Variants in PITPNC1 observed in about 807,000 individuals in gnomAD.
The protein encoded by PITPNC1 is phosphatidylinositol transfer protein cytoplasmic 1.
A neutral mutation model predicts 44.7 loss-of-function variants in PITPNC1; 18 were observed. The observed-to-expected ratio is 0.40, with a 90% CI of 0.28 to 0.60. The LOEUF is 0.60. Ranked by LOEUF, PITPNC1 falls within the 20% of genes least tolerant of loss-of-function variation. The pLI, the probability that PITPNC1 is intolerant of heterozygous loss-of-function variation, is 0.39. For missense variants in PITPNC1, 290 were observed against 418.4 expected (o/e 0.69, Z 2.68); for synonymous variants, 141 against 149.6 (o/e 0.94, Z 0.42).
At chr17:67,634,865 C>A (rs998039719) in intron 6 of PITPNC1, among the ~76,000 whole-genome samples, 3 of 152,144 alleles carry the variant, frequency 2.0e-5, no homozygotes, top group Non-Finnish European at 4.4e-5. Flanking sequence ...CCAGCCTGGC[C>A]AACAGAATGA....
chr17:67,608,790 C>T (rs757758062), intron 5 of PITPNC1, among the ~76,000 whole-genome samples: 3 of 150,398 alleles, frequency 2.0e-5, no homozygotes, highest in South Asian at 2.1e-4. Context: ...TGAACCATCA[C>T]GCCCGGCCTG....
chr17:67,447,416 C>T (rs2039114168), intron 1 of PITPNC1, among the ~76,000 whole-genome samples: 1 of 152,002 alleles, frequency 6.6e-6, no homozygotes, highest in African/African-American at 2.4e-5. Context: ...CCTCAATAAA[C>T]CCTGTCTCCC....
chr17:67,668,733 G>C (rs1015234660), intron 6 of PITPNC1, among the ~76,000 whole-genome samples: 6 of 152,036 alleles, frequency 3.9e-5, no homozygotes, highest in Non-Finnish European at 7.4e-5. Context: ...GTGGTGGCGG[G>C]CACCTGTAGT....
intron 1 of PITPNC1, among the ~76,000 whole-genome samples, chr17:67,416,091 G>C (rs548589554): frequency 4.6e-5 from 7 of 152,026 alleles, no homozygotes; most frequent in African/African-American, 1.7e-4. Context: ...CTAATGACTG[G>C]AGTCTTACGG....
intron 4 of PITPNC1, among the ~76,000 whole-genome samples, chr17:67,566,264 C>T (rs527288006): frequency 5.9e-5 from 9 of 152,188 alleles, no homozygotes; most frequent in East Asian, 1.9e-4. Context: ...AGTGCAGTGG[C>T]GCGATCTTGG....
intron 1 of PITPNC1, among the ~76,000 whole-genome samples, chr17:67,528,433 A>G (rs1372003077): frequency 6.7e-6 from 1 of 148,638 alleles, no homozygotes; most frequent in Admixed American, 6.6e-5. Context: ...GTGATGCTGT[A>G]TCATCATCAT....
intron 6 of PITPNC1, among the ~76,000 whole-genome samples, chr17:67,640,849 G>T (rs1423552040): frequency 6.6e-6 from 1 of 151,918 alleles, no homozygotes; most frequent in Non-Finnish European, 1.5e-5. Context: ...AATTAGCCGG[G>T]TGTGGTGGCA....
At chr17:67,417,221 T>C (rs962333618) in intron 1 of PITPNC1, among the ~76,000 whole-genome samples, 2 of 152,110 alleles carry the variant, frequency 1.3e-5, no homozygotes, top group African/African-American at 4.8e-5. Context: ...AGACTTGAAC[T>C]CCTGGGCTTG....
At chr17:67,549,557 A>G (rs1235755452) in intron 2 of PITPNC1, among the ~76,000 whole-genome samples, 1 of 152,144 alleles carries the variant, frequency 6.6e-6, no homozygotes. Flanking sequence ...ACAAATAGAA[A>G]AAGTCTCGAC....
intron 5 of PITPNC1, among the ~76,000 whole-genome samples, chr17:67,589,395 A>G (rs978468464): frequency 1.3e-5 from 2 of 152,182 alleles, no homozygotes; most frequent in African/African-American, 2.4e-5. Context: ...CCTGATTCAC[A>G]GGTGCTGTGA....
chr17:67,463,187 AT>A (rs2039369235), intron 1 of PITPNC1, among the ~76,000 whole-genome samples: 1 of 4,320 alleles, frequency 2.3e-4, no homozygotes, highest in Non-Finnish European at 1.4e-3. Flanking sequence ...ATTCAGACTT[AT>A]AAATACTTCT....
chr17:67,474,768 C>T (rs1215504291), intron 1 of PITPNC1, among the ~76,000 whole-genome samples: 1 of 152,170 alleles, frequency 6.6e-6, no homozygotes, highest in African/African-American at 2.4e-5. Flanking sequence ...AATCCTCCCA[C>T]CTCAGCCTCC....
chr17:67,601,712 G>A (rs1290330574), intron 5 of PITPNC1, among the ~76,000 whole-genome samples: 10 of 152,038 alleles, frequency 6.6e-5, no homozygotes, highest in Admixed American at 2.6e-4. Flanking sequence ...CCATGATTGC[G>A]CCACTGCACT....
chr17:67,505,754 C>T (rs890362763), intron 1 of PITPNC1, among the ~76,000 whole-genome samples: 22 of 152,246 alleles, frequency 1.4e-4, no homozygotes, highest in Admixed American at 4.6e-4. Context: ...GGATTACAGA[C>T]GTGAGCCACC....
At chr17:67,629,658 C>CG (rs569368833) in intron 5 of PITPNC1, among the ~76,000 whole-genome samples, 19 of 152,244 alleles carry the variant, frequency 1.2e-4, no homozygotes, top group Non-Finnish European at 2.2e-4. Flanking sequence ...AAAGAAGGAG[C>CG]GGGGGGGACT....
intron 1 of PITPNC1, among the ~76,000 whole-genome samples, chr17:67,391,106 G>A (rs1413650308): frequency 1.4e-5 from 2 of 141,306 alleles, no homozygotes; most frequent in Non-Finnish European, 3.0e-5. Flanking sequence ...TTAAGTTTGG[G>A]TGAAGTTTGA....
intron 5 of PITPNC1, among the ~76,000 whole-genome samples, chr17:67,586,091 A>G (rs2041312194): frequency 6.6e-6 from 1 of 152,172 alleles, no homozygotes; most frequent in Non-Finnish European, 1.5e-5. Context: ...ACCACTGGCT[A>G]GAGCATTAGG....
rs147661851 is a variant in PITPNC1, at chr17:67,436,062, A to G, written c.48+57860A>G. ...GGCTGCAGTGTTGTGGTGTGATCAT[A>G]GCTCACTGCAGCCTCCAATTCCTGG... is the stretch of plus-strand genomic sequence containing the variant. On this transcript the variant is annotated intron_variant, in intron 1 of 8. Coordinates refer to ENST00000581322, the MANE Select transcript of PITPNC1 (RefSeq NM_012417.4). 1.5e-3 allele frequency among the ~76,000 whole-genome samples: 234 copies of G among 152,084 alleles called. 1 individual carries two copies. The highest frequency in any genetic ancestry group is 5.3e-3 in the African/African-American group (218 of 41,466).
At position 67,597,384 on chromosome 17, in the gene PITPNC1, T is replaced by C. The variant is rs2041473721; in HGVS notation, c.366+19127T>C. ...GCCTGGCCAACATGGCAAAACCCCATCTCCACTAAAAATACAAAAATTAGC... is the reference window on the plus strand; with the variant it reads ...GCCTGGCCAACATGGCAAAACCCCACCTCCACTAAAAATACAAAAATTAGC... On this transcript the variant is annotated intron_variant, in intron 5 of 8. Transcript: ENST00000581322. The surrounding 1 kb of genome is among the most constrained non-coding windows in gnomAD (Gnocchi z 4.0). Among the ~76,000 whole-genome samples the C allele has an allele frequency of 6.6e-6, 1 of 151,884 alleles. No homozygotes were observed. Among genetic ancestry groups the C allele is most frequent in the Non-Finnish European group, 1.5e-5 (1 of 67,960 alleles).
Sources: gnomAD v4.1 joint callset for allele counts (sites outside exome capture counted in the v4.1 genomes callset) on GRCh38, gnomAD v4.1.1 for gene constraint, Gnocchi (gnomAD v3.1) non-coding constraint, MANE v1.5 for transcripts, NCBI Gene and HGNC (gene_info 2026-07-23, HGNC 2026-07-21) for gene names.